Variants in USH2A observed in about 807,000 individuals in gnomAD.
USH2A encodes the protein Usher syndrome 2A (autosomal recessive, mild).
USH2A carries 443 observed loss-of-function variants against 538.9 expected under a neutral mutation model. The observed-to-expected ratio is 0.82, with a 90% CI of 0.76 to 0.89. The LOEUF (loss-of-function observed/expected upper bound fraction) is 0.89. USH2A is among the 40% of genes least tolerant of loss of function. The probability of loss-of-function intolerance (pLI) is 0.00; values close to 1 mark genes in which losing one functional copy is unlikely to be tolerated. For missense variants in USH2A, 6,633 were observed against 6,324.8 expected (o/e 1.05, Z -1.65); for synonymous variants, 2,413 against 2,273.5 (o/e 1.06, Z -1.75).
intron 61 of USH2A, among the ~76,000 whole-genome samples, chr1:215,717,084 C>T (rs1348149997): frequency 2.0e-5 from 3 of 152,120 alleles, no homozygotes; most frequent in Non-Finnish European, 4.4e-5. Context: ...GACCCAAAGA[C>T]TTTGTCTATG....
intron 60 of USH2A, among the ~76,000 whole-genome samples, chr1:215,731,590 C>T (rs1659996012): frequency 6.6e-6 from 1 of 152,056 alleles, no homozygotes. Flanking sequence ...TTTAATGTTG[C>T]CTAACACTAA....
intron 13 of USH2A, among the ~76,000 whole-genome samples, chr1:216,245,415 G>C (rs540871814): frequency 2.0e-5 from 3 of 150,334 alleles, no homozygotes; most frequent in Non-Finnish European, 4.4e-5. Context: ...CAATTTCAGG[G>C]GACATAGGGT....
Position 216,073,353 on chromosome 1 carries a change from C to G in USH2A, c.5573-53G>C. 7 of 1,585,026 alleles carry G rather than the reference C, an allele frequency of 4.4e-6. 1 individual carries two copies. In the South Asian group the frequency reaches 7.9e-5, roughly 18 times the overall value. ...CATAAAGGGCTTGAGTCATTAATTACCAATCATTTTTGTCCTCTGCAGCAC... is the reference window on the plus strand; with the variant it reads ...CATAAAGGGCTTGAGTCATTAATTAGCAATCATTTTTGTCCTCTGCAGCAC... On this transcript the variant is annotated intron_variant, in intron 27 of 71. Coordinates refer to ENST00000307340, the MANE Select transcript of USH2A (RefSeq NM_206933.4).
chr1:216,368,809 C>T (rs1452050098), intron 3 of USH2A, among the ~76,000 whole-genome samples: 4 of 152,030 alleles, frequency 2.6e-5, no homozygotes, highest in African/African-American at 4.8e-5. Context: ...TGGTGTATAA[C>T]GTATTTTTGG....
intron 21 of USH2A, among the ~76,000 whole-genome samples, chr1:216,126,834 A>C (rs1294020793): frequency 6.6e-6 from 1 of 152,180 alleles, no homozygotes; most frequent in Non-Finnish European, 1.5e-5. Context: ...GGGATACTTA[A>C]TGTTTAAGAT....
chr1:216,023,318 T>C (rs574210370), intron 32 of USH2A, among the ~76,000 whole-genome samples: 64 of 152,048 alleles, frequency 4.2e-4, no homozygotes, highest in Admixed American at 1.1e-3. Flanking sequence ...CTTTAAAGCA[T>C]GGATTTAGGA....
At chr1:216,274,720 C>T (rs1159110569) in intron 11 of USH2A, among the ~76,000 whole-genome samples, 1 of 151,390 alleles carries the variant, frequency 6.6e-6, no homozygotes, top group African/African-American at 2.4e-5. Flanking sequence ...TATCATCTTG[C>T]TCAGCTGTCA....
chr1:216,023,459 C>CAAAAAAAAAAAAAAAAAAAAAAATAAAA, intron 32 of USH2A, among the ~76,000 whole-genome samples: 1 of 46,956 alleles, frequency 2.1e-5, no homozygotes, highest in Non-Finnish European at 3.8e-5. Flanking sequence ...TCAAAGCAGA[C>CAAAAAAAAAAAAAAAAAAAAAAATAAAA]AAAAAAAAAA....
At chr1:216,377,761 A>G (rs1408501751) in intron 3 of USH2A, among the ~76,000 whole-genome samples, 1 of 135,874 alleles carries the variant, frequency 7.4e-6, no homozygotes, top group Non-Finnish European at 1.6e-5. Context: ...GAAAGAAAGA[A>G]AGAGAAGGAA....
intron 11 of USH2A, among the ~76,000 whole-genome samples, chr1:216,258,320 C>T (rs538359552): frequency 1.2e-4 from 18 of 152,140 alleles, no homozygotes; most frequent in African/African-American, 1.7e-4. Flanking sequence ...AAATATCCCA[C>T]GAATCATAAA....
intron 60 of USH2A, among the ~76,000 whole-genome samples, chr1:215,731,769 C>T (rs1277311133): frequency 1.3e-5 from 2 of 152,130 alleles, no homozygotes; most frequent in Admixed American, 1.3e-4. Context: ...TCCTAGAACC[C>T]AATGCACCAT....
At chr1:216,218,803 G>A (rs1422923060) in intron 14 of USH2A, among the ~76,000 whole-genome samples, 2 of 151,954 alleles carry the variant, frequency 1.3e-5, no homozygotes, top group Non-Finnish European at 2.9e-5. Context: ...TCAAATAGAT[G>A]TTTTGTTTAG....
chr1:215,742,950 A>G (rs756793024), intron 59 of USH2A, among the ~76,000 whole-genome samples: 185 of 152,272 alleles, frequency 1.2e-3, no homozygotes, highest in Non-Finnish European at 2.2e-3. Context: ...AAGACTTTGC[A>G]AAACCACCAT....
In USH2A at chr1:216,220,276, A is replaced by G. The variant is rs762898620; in HGVS notation, c.2994-2726T>C. 4.0e-5 allele frequency among the ~76,000 whole-genome samples: 6 copies of G among 151,630 alleles called. No homozygotes were observed. The South Asian group carries it at 1.3e-3, about 32-fold the overall frequency. On this transcript the variant is annotated intron_variant, in intron 14 of 71. Coordinates refer to ENST00000307340, the MANE Select transcript of USH2A (RefSeq NM_206933.4). ...TGGGTACTATCAAATTGATTTAAAT[A>G]TTGATTGACATAAATAACATTCATT...
intron 38 of USH2A, among the ~76,000 whole-genome samples, chr1:215,904,174 A>G (rs1199025607): frequency 1.3e-5 from 2 of 152,038 alleles, no homozygotes; most frequent in Admixed American, 6.6e-5. Context: ...TTGAAAATCC[A>G]AATTCTGAAT....
At chr1:216,102,725 G>A (rs1326111370) in intron 21 of USH2A, among the ~76,000 whole-genome samples, 1 of 152,154 alleles carries the variant, frequency 6.6e-6, no homozygotes, top group Admixed American at 6.5e-5. Context: ...GTGTGAACCC[G>A]AAAGGCGGAG....
At chr1:216,325,181 T>C in intron 6 of USH2A, 124 bp downstream of exon 6, 1 of 1,128,272 alleles carries the variant, frequency 8.9e-7, no homozygotes, top group Non-Finnish European at 1.3e-6. Flanking sequence ...AACATGTTGA[T>C]TTCATATTTC....
intron 4 of USH2A, among the ~76,000 whole-genome samples, chr1:216,341,725 T>C (rs1007219497): frequency 2.0e-5 from 3 of 151,836 alleles, no homozygotes; most frequent in Non-Finnish European, 4.4e-5. Context: ...TGACAAGCTG[T>C]ACAAAAACAA....
chr1:215,957,131 TAA>T (rs1667087703), intron 37 of USH2A, among the ~76,000 whole-genome samples: 1 of 152,170 alleles, frequency 6.6e-6, no homozygotes, highest in South Asian at 2.1e-4. Context: ...CTTTTTTGCA[TAA>T]GAGACATTTG....
Sources: gnomAD v4.1 joint callset for allele counts (sites outside exome capture counted in the v4.1 genomes callset) on GRCh38, gnomAD v4.1.1 for gene constraint, MANE v1.5 for transcripts, NCBI Gene and HGNC (gene_info 2026-07-23, HGNC 2026-07-21) for gene names.